TATDN1: variants seen among roughly 807,000 people sequenced by gnomAD.
TATDN1 encodes the protein deoxyribonuclease TATDN1.
TATDN1 carries 40 observed loss-of-function variants against 46.4 expected under a neutral mutation model. That is an observed-to-expected ratio of 0.86 (90% CI 0.67 to 1.12). The LOEUF is 1.12. Among genes scored for constraint, TATDN1 ranks in the 50% most tolerant of loss-of-function variants. TATDN1 has a pLI of 0.00. For synonymous variants in TATDN1, 95 were observed against 105.6 expected, an observed-to-expected ratio of 0.90 and a Z score of 0.62; for missense variants, 326 against 348.4, an observed-to-expected ratio of 0.94 and a Z score of 0.51.
intron 6 of TATDN1, among the ~76,000 whole-genome samples, chr8:124,510,337 T>C (rs1818899703): frequency 6.6e-6 from 1 of 152,180 alleles, no homozygotes; most frequent in African/African-American, 2.4e-5. Flanking sequence ...ACTTTACTAA[T>C]ATATTTGGCT....
At chr8:124,507,429 G>T (rs1818565924) in intron 8 of TATDN1, among the ~76,000 whole-genome samples, 1 of 152,210 alleles carries the variant, frequency 6.6e-6, no homozygotes, top group East Asian at 1.9e-4. Context: ...TTGGATGGAA[G>T]AACATTAAAG....
intron 11 of TATDN1, 103 bp downstream of exon 11, chr8:124,493,730 C>G: frequency 2.8e-6 from 4 of 1,411,796 alleles, no homozygotes; most frequent in Non-Finnish European, 3.8e-6. Flanking sequence ...CTGAACTTCA[C>G]TTGGATTTTG....
chr8:124,536,844 T>C (rs1301655867), intron 1 of TATDN1, among the ~76,000 whole-genome samples: 1 of 152,050 alleles, frequency 6.6e-6, no homozygotes, highest in Non-Finnish European at 1.5e-5. Context: ...AGATTAAATA[T>C]CAGAGTAAGT....
At chr8:124,501,428 T>C (rs1435919662) in intron 9 of TATDN1, among the ~76,000 whole-genome samples, 1 of 152,084 alleles carries the variant, frequency 6.6e-6, no homozygotes, top group Non-Finnish European at 1.5e-5. Flanking sequence ...TTTTCTTTTT[T>C]TAAATAGACA....
chr8:124,536,070 T>C (rs1563697447), intron 1 of TATDN1, among the ~76,000 whole-genome samples: 2 of 152,250 alleles, frequency 1.3e-5, no homozygotes, highest in Non-Finnish European at 2.9e-5. Flanking sequence ...TGTTTGTATT[T>C]TGCATTTTCT....
chr8:124,497,671 A>C (rs907196256), intron 9 of TATDN1, among the ~76,000 whole-genome samples: 1 of 152,046 alleles, frequency 6.6e-6, no homozygotes, highest in African/African-American at 2.4e-5. Flanking sequence ...GGGGAAGACT[A>C]TTTCACAGGT....
chr8:124,538,999 A>G (rs1563701798), intron 1 of TATDN1, 26 bp downstream of exon 1: 1 of 1,614,050 alleles, frequency 6.2e-7, no homozygotes. Context: ...AGAAAGACCC[A>G]AGGGCGTGGA....
At chr8:124,506,932 G>T (rs973178992) in intron 8 of TATDN1, among the ~76,000 whole-genome samples, 2 of 152,086 alleles carry the variant, frequency 1.3e-5, no homozygotes, top group African/African-American at 4.8e-5. Flanking sequence ...GGAGGCTGAT[G>T]GGGGGAGGAT....
At chr8:124,507,702 G>A (rs968363347) in intron 8 of TATDN1, among the ~76,000 whole-genome samples, 10 of 151,768 alleles carry the variant, frequency 6.6e-5, no homozygotes, top group South Asian at 6.3e-4. Flanking sequence ...GCTTGATCCC[G>A]GGGAAGCAGA....
At chr8:124,511,525 T>C (rs1029434916) in intron 6 of TATDN1, among the ~76,000 whole-genome samples, 3 of 152,086 alleles carry the variant, frequency 2.0e-5, no homozygotes, top group African/African-American at 7.2e-5. Flanking sequence ...AGAACAGAGC[T>C]CTAAATTGCA....
At chr8:124,538,953 T>C in intron 1 of TATDN1, 72 bp downstream of exon 1, 1 of 1,589,942 alleles carries the variant, frequency 6.3e-7, no homozygotes, top group Non-Finnish European at 8.6e-7. Context: ...AATTCCTGGG[T>C]CCTGTGACCT....
chr8:124,538,941 G>C (rs1385632463), intron 1 of TATDN1, 84 bp downstream of exon 1: 1 of 1,544,944 alleles, frequency 6.5e-7, no homozygotes, highest in South Asian at 1.1e-5. Flanking sequence ...GCCGGAGGGC[G>C]CAATTCCTGG....
chr8:124,488,708 C>T lies in TATDN1; in HGVS notation c.792-12G>A, dbSNP rs1194416030. ...TCTCCAATATTTGACTAAAACAAAA[C>T]AAAAACAAAAATGGTTAAATCTCCA... On this transcript the variant is annotated splice_polypyrimidine_tract_variant and intron_variant, in intron 11 of 11. Transcript: ENST00000276692. 6.8e-7 allele frequency: 1 copy of T among 1,474,120 alleles called. No homozygotes were observed. The highest frequency in any genetic ancestry group is 1.4e-5 in the African/African-American group (1 of 71,918). 91.3% of individuals were successfully genotyped at this position (1,474,120 alleles called of 1,614,324 possible).
intron 9 of TATDN1, among the ~76,000 whole-genome samples, chr8:124,499,645 G>A (rs74438600): frequency 4.0e-5 from 6 of 150,848 alleles, no homozygotes; most frequent in East Asian, 2.0e-4. Context: ...CCGGGTTCAC[G>A]CCATTCTCCT....
At chr8:124,508,034 T>C (rs963379668) in intron 8 of TATDN1, among the ~76,000 whole-genome samples, 2 of 152,212 alleles carry the variant, frequency 1.3e-5, no homozygotes, top group East Asian at 1.9e-4. Context: ...GTTATTCCTT[T>C]TTAAAAAAAA....
chr8:124,534,584 C>A (rs543788333), intron 1 of TATDN1, among the ~76,000 whole-genome samples: 2 of 152,280 alleles, frequency 1.3e-5, no homozygotes, highest in South Asian at 4.1e-4. Context: ...TCCCAAAGTG[C>A]TTGGATTACA....
At chr8:124,521,087 T>C (rs1215988027) in intron 3 of TATDN1, among the ~76,000 whole-genome samples, 2 of 152,264 alleles carry the variant, frequency 1.3e-5, no homozygotes, top group Non-Finnish European at 2.9e-5. Context: ...ATAACAACTC[T>C]ATTAATTAAG....
At chr8:124,514,864 A>G (rs772097801) in intron 6 of TATDN1, among the ~76,000 whole-genome samples, 6 of 152,234 alleles carry the variant, frequency 3.9e-5, no homozygotes, top group Non-Finnish European at 7.3e-5. Context: ...GGAATCTCAC[A>G]GTTCCAAACT....
chr8:124,518,211 CAAAAAAAAAAAAAAAAAA>C lies in TATDN1; in HGVS notation c.202+589_202+606del, dbSNP rs374487274. On this transcript the variant is annotated intron_variant, in intron 4 of 11. Coordinates refer to ENST00000276692, the MANE Select transcript of TATDN1 (RefSeq NM_032026.4). ...TGGGCGACAGAGTGAGACTCTATCT[CAAAAAAAAAAAAAAAAAA>C]AAAAAAAAAAAAAGGCCGGGTGCAG... Among the ~76,000 whole-genome samples, 8 of 34,610 alleles carry C rather than the reference CAAAAAAAAAAAAAAAAAA, an allele frequency of 2.3e-4. No homozygotes were observed. The Admixed American group carries it at 2.7e-3, about 11-fold the overall frequency. The allele number at this position is 34,610 out of a possible 152,430, so 22.7% of individuals were successfully genotyped here.
Sources: allele counts gnomAD v4.1 joint callset (sites outside exome capture counted in the v4.1 genomes callset), GRCh38; gene constraint gnomAD v4.1.1; transcripts MANE v1.5; gene names NCBI Gene and HGNC (gene_info 2026-07-23, HGNC 2026-07-21).